MRC1: variants seen among roughly 807,000 people sequenced by gnomAD.
MRC1 encodes mannose receptor C-type 1.
In MRC1, 62 loss-of-function variants were observed where a neutral mutation model predicts 102.9. That is an observed-to-expected ratio of 0.60 (90% CI 0.49 to 0.74). The LOEUF is 0.74. MRC1 is among the 30% of genes least tolerant of loss of function. MRC1 has a pLI of 0.00. For synonymous variants in MRC1, 457 were observed against 298.4 expected (o/e 1.53, Z -5.48); for missense variants, 1,237 against 862.8 (o/e 1.43, Z -5.43).
At chr10:17,824,397 T>C (rs1365827716) in intron 2 of MRC1, among the ~76,000 whole-genome samples, 1 of 152,288 alleles carries the variant, frequency 6.6e-6, no homozygotes, top group East Asian at 1.9e-4. Flanking sequence ...GTTTCCAAAA[T>C]TGCTATGTTA....
At chr10:17,850,677 T>C (rs1297062269) in intron 7 of MRC1, among the ~76,000 whole-genome samples, 2 of 152,096 alleles carry the variant, frequency 1.3e-5, no homozygotes, top group Admixed American at 1.3e-4. Context: ...GCAGCTGCTC[T>C]TCATTTCCCC....
In MRC1 at chr10:17,840,702, G is replaced by T; in HGVS notation, c.812G>T (p.Ser271Ile). 1 of 780,844 alleles carries T rather than the reference G, an allele frequency of 1.3e-6. No individual in the cohort carries two copies. 48.4% of individuals were successfully genotyped at this position (780,844 alleles called of 1,614,324 possible). A position where few individuals can be genotyped will look rare whatever the true frequency, so the allele number is the denominator to read the frequency against. The change falls in exon 5 of 30, where the codon AGT becomes ATT. Residue 271 changes from serine (S) to isoleucine (I), a missense_variant. Coordinates refer to ENST00000569591, the MANE Select transcript of MRC1 (RefSeq NM_002438.4). ...TTCTTTAAAAATATAGGATTAACCA[G>T]TTCCTTGACCTCAGGACTCTGGATT... ...HEQTYLTGLTSSLTSGLWIGL... is the reference protein window; with the variant it reads ...HEQTYLTGLTISLTSGLWIGL...
intron 15 of MRC1, among the ~76,000 whole-genome samples, chr10:17,872,887 C>A (rs1467772119): frequency 1.3e-5 from 2 of 152,186 alleles, no homozygotes; most frequent in Non-Finnish European, 2.9e-5. Flanking sequence ...AACTGCATTG[C>A]CCTCTGCTGT....
Position 17,910,817 on chromosome 10 carries a change from A to T in MRC1, c.*352A>T. 1 of 250,736 alleles carries T rather than the reference A, an allele frequency of 4.0e-6. No individual in the cohort carries two copies. Among genetic ancestry groups the T allele is most frequent in the Non-Finnish European group, 7.7e-6 (1 of 129,206 alleles). 15.5% of individuals were successfully genotyped at this position (250,736 alleles called of 1,614,324 possible). On this transcript the variant is annotated 3_prime_UTR_variant, in exon 30 of 30. Coordinates refer to ENST00000569591, the MANE Select transcript of MRC1 (RefSeq NM_002438.4). ...TTGGCATATTTTAAGGAGCTCCCAA[A>T]ATGTGTTACCTATTAAATTGTAACT...
At position 17,894,276 on chromosome 10, in the gene MRC1, G is replaced by T. The variant is rs966584729; in HGVS notation, c.3214G>T (p.Asp1072Tyr). The T allele has an allele frequency of 2.3e-6, 2 of 872,314 alleles. No individual in the cohort carries two copies. Among genetic ancestry groups the T allele is most frequent in the East Asian group, 2.4e-5 (1 of 41,680 alleles). The allele number at this position is 872,314 out of a possible 1,614,324, so 54.0% of individuals were successfully genotyped here. Residue 1072 changes from aspartate (D) to tyrosine (Y), a missense_variant, in exon 23 of 30, where the codon GAC (aspartate) becomes TAC (tyrosine). Asp to Tyr is a radical substitution (Grantham distance 160). Transcript: ENST00000569591. The part of the protein sequence containing the change: ...EAGKWMDDTC[D>Y]SKRGYICQTR... ...AGGAAAATGGATGGATGATACCTGC[G>T]ACAGTAAACGAGGCTACATATGCCA...
At chr10:17,884,868 A>G (rs1833569527) in intron 21 of MRC1, among the ~76,000 whole-genome samples, 1 of 152,218 alleles carries the variant, frequency 6.6e-6, no homozygotes, top group Admixed American at 6.5e-5. Context: ...TTTGTCCCAT[A>G]GTTATTATAT....
chr10:17,842,439 G>T (rs1838766079), intron 5 of MRC1, among the ~76,000 whole-genome samples: 1 of 152,102 alleles, frequency 6.6e-6, no homozygotes. Context: ...ACATATGATG[G>T]TTACAGTGCT....
Position 17,813,700 on chromosome 10 carries a change from A to ATATATATATTTT in MRC1, c.61+4175_61+4176insATATATATTTTT, listed in dbSNP as rs1401200082. On this transcript the variant is annotated intron_variant, in intron 1 of 29. Transcript: ENST00000569591. ...ACACACATTATATATATATATATAT[A>ATATATATATTTT]TTTTTTTTTTTTTTTGAGACAGGGT... is the stretch of plus-strand genomic sequence containing the variant. Among the ~76,000 whole-genome samples the ATATATATATTTT allele has an allele frequency of 3.2e-5, 4 of 125,706 alleles. No homozygotes were observed. In the East Asian group the frequency reaches 6.5e-4, roughly 20 times the overall value. The allele number at this position is 125,706 out of a possible 152,430, so 82.5% of individuals were successfully genotyped here.
chr10:17,827,697 G>C lies in MRC1; in HGVS notation c.619G>C (p.Gly207Arg). 1 of 780,798 alleles carries C rather than the reference G, an allele frequency of 1.3e-6. No individual in the cohort carries two copies. The highest frequency in any genetic ancestry group is 2.4e-6 in the Non-Finnish European group (1 of 417,960). The allele number at this position is 780,798 out of a possible 1,614,324, so 48.4% of individuals were successfully genotyped here. ...TTDYDTDKLF[G>R]YCPLKFEGSE... ...TGACTATGACACAGACAAGCTATTTGGATATTGTCCATTGAAATGTAAGTA... is the reference window on the plus strand; with the variant it reads ...TGACTATGACACAGACAAGCTATTTCGATATTGTCCATTGAAATGTAAGTA... Residue 207 changes from glycine (G) to arginine (R), a missense_variant, in exon 3 of 30, where the codon GGA (glycine) becomes CGA (arginine). By Grantham distance (125) the Gly-to-Arg change is moderately radical. Transcript: ENST00000569591.
At chr10:17,817,487 G>A (rs1838330941) in intron 1 of MRC1, among the ~76,000 whole-genome samples, 3 of 152,104 alleles carry the variant, frequency 2.0e-5, no homozygotes, top group East Asian at 1.9e-4. Flanking sequence ...GCTCAACATG[G>A]CAGGAAACTT....
intron 21 of MRC1, among the ~76,000 whole-genome samples, chr10:17,884,354 C>T (rs1026418787): frequency 2.2e-4 from 33 of 152,170 alleles, no homozygotes; most frequent in Non-Finnish European, 3.7e-4. Context: ...GGATTTCTCC[C>T]CCACCTCCCC....
At chr10:17,813,660 T>TACAC (rs1336407911) in intron 1 of MRC1, among the ~76,000 whole-genome samples, 14 of 122,478 alleles carry the variant, frequency 1.1e-4, no homozygotes, top group South Asian at 2.9e-4. Context: ...CATATATATA[T>TACAC]ATACACACAC....
chr10:17,860,986 A>G lies in MRC1; in HGVS notation c.1519-401A>G, dbSNP rs901475185. Among the ~76,000 whole-genome samples the G allele has an allele frequency of 2.4e-3, 371 of 152,322 alleles. 8 individuals carry two copies. The highest frequency in any genetic ancestry group is 0.021 in the Admixed American group (321 of 15,290). Reference sequence around the variant, plus strand: ...TTTAGACATTCCTATTGTTTATCCAATAGTTTCATGATAGAAAAAGTATTA... The same window carrying G: ...TTTAGACATTCCTATTGTTTATCCAGTAGTTTCATGATAGAAAAAGTATTA... On this transcript the variant is annotated intron_variant, in intron 9 of 29. Transcript: ENST00000569591.
chr10:17,884,890 T>A (rs2130697112), intron 21 of MRC1, among the ~76,000 whole-genome samples: 1 of 152,362 alleles, frequency 6.6e-6, no homozygotes, highest in South Asian at 2.1e-4. Flanking sequence ...AATCAGATTA[T>A]CTTATTTACA....
rs1041960054 is a variant in MRC1 at position 17,852,441 on chromosome 10, T to C, written c.1250-526T>C. On this transcript the variant is annotated intron_variant, in intron 7 of 29. Transcript: ENST00000569591. ...ATAATTTTCACTCCCAGTACAGTGATTGATCTTTAACGGAAGTATCTAGAA... is the reference window on the plus strand; with the variant it reads ...ATAATTTTCACTCCCAGTACAGTGACTGATCTTTAACGGAAGTATCTAGAA... Among the ~76,000 whole-genome samples, 1,097 of 152,324 alleles carry C rather than the reference T, an allele frequency of 7.2e-3. 5 individuals carry two copies. Among genetic ancestry groups the C allele is most frequent in the Non-Finnish European group, 8.9e-3 (608 of 68,020 alleles).
At chr10:17,862,674 G>T (rs1194774956) in intron 10 of MRC1, among the ~76,000 whole-genome samples, 2 of 152,076 alleles carry the variant, frequency 1.3e-5, no homozygotes, top group Non-Finnish European at 2.9e-5. Context: ...GGTTTGTTTT[G>T]TTTAGGGAAT....
chr10:17,906,554 T>C (rs2130724650), intron 26 of MRC1, among the ~76,000 whole-genome samples: 1 of 152,314 alleles, frequency 6.6e-6, no homozygotes, highest in East Asian at 1.9e-4. Flanking sequence ...CATATGGCAC[T>C]TAATTTCTCT....
chr10:17,822,628 CAACA>C (rs1216380143), intron 1 of MRC1, among the ~76,000 whole-genome samples: 1 of 152,188 alleles, frequency 6.6e-6, no homozygotes, highest in Non-Finnish European at 1.5e-5. Flanking sequence ...CCTTTAAAAA[CAACA>C]AACAAACACA....
At chr10:17,825,590 T>C (rs1838463243) in intron 2 of MRC1, among the ~76,000 whole-genome samples, 1 of 152,080 alleles carries the variant, frequency 6.6e-6, no homozygotes, top group Non-Finnish European at 1.5e-5. Context: ...AAAAATAAGC[T>C]TGGTACTGTG....
Sources: gnomAD v4.1 joint callset for allele counts (sites outside exome capture counted in the v4.1 genomes callset) on GRCh38, gnomAD v4.1.1 for gene constraint, MANE v1.5 for transcripts, NCBI Gene and HGNC (gene_info 2026-07-23, HGNC 2026-07-21) for gene names.